Variants in CPQ observed in about 807,000 individuals in gnomAD.
The protein encoded by CPQ is Ser-Met dipeptidase.
A neutral mutation model predicts 45.7 loss-of-function variants in CPQ; 37 were observed. The ratio of observed to expected loss-of-function variants is 0.81; its 90% CI spans 0.62 to 1.07. The LOEUF is 1.07. Among genes scored for constraint, CPQ ranks in the 50% least tolerant of loss-of-function variants. CPQ has a pLI of 0.00. For synonymous variants in CPQ, 186 were observed against 205.8 expected, an observed-to-expected ratio of 0.90 and a Z score of 0.82; for missense variants, 537 against 572.9, an observed-to-expected ratio of 0.94 and a Z score of 0.64.
At chr8:96,659,353 AT>A (rs1312496889) in intron 1 of CPQ, 1 of 151,670 alleles carries the variant, frequency 6.6e-6, no homozygotes. Context: ...GACTCTCTGG[AT>A]TTGCCTGTCT....
intron 5 of CPQ, among the ~76,000 whole-genome samples, chr8:96,999,707 A>T (rs938255397): frequency 2.6e-5 from 4 of 151,916 alleles, no homozygotes; most frequent in African/African-American, 7.2e-5. Context: ...ACATATGTGT[A>T]TGTGTCTTTA....
chr8:96,922,929 TAGTC>T (rs35409747), intron 4 of CPQ, among the ~76,000 whole-genome samples: 23,120 of 152,022 alleles, frequency 0.15, 4,152 homozygotes, highest in African/African-American at 0.44. Context: ...AGTGTCAGAA[TAGTC>T]AGTCCTCTGG....
At chr8:97,051,743 G>C (rs1810367802) in intron 6 of CPQ, among the ~76,000 whole-genome samples, 11 of 152,184 alleles carry the variant, frequency 7.2e-5, no homozygotes, top group Admixed American at 7.2e-4. Flanking sequence ...CTGAGGCTCA[G>C]AGTAATTAAG....
chr8:97,126,099 G>A (rs888885745), intron 7 of CPQ, among the ~76,000 whole-genome samples: 1 of 151,850 alleles, frequency 6.6e-6, no homozygotes, highest in Non-Finnish European at 1.5e-5. Context: ...CTTTTTCAAG[G>A]AAAAAATGAG....
At chr8:96,729,315 CAG>C (rs1413609321) in intron 1 of CPQ, among the ~76,000 whole-genome samples, 1 of 152,150 alleles carries the variant, frequency 6.6e-6, no homozygotes, top group Non-Finnish European at 1.5e-5. Context: ...GATAAAAGGG[CAG>C]AGAGGATTGT....
intron 4 of CPQ, among the ~76,000 whole-genome samples, chr8:96,940,406 T>A (rs1586459847): frequency 6.6e-6 from 1 of 152,346 alleles, no homozygotes; most frequent in Middle Eastern, 3.4e-3. Context: ...AACTGGATTG[T>A]GTGTACTCTT....
chr8:97,014,472 A>G (rs1007972808), intron 5 of CPQ, among the ~76,000 whole-genome samples: 1 of 151,958 alleles, frequency 6.6e-6, no homozygotes, highest in Non-Finnish European at 1.5e-5. Flanking sequence ...CAAACATGAC[A>G]AAGCCCCATC....
chr8:97,065,094 G>A (rs964325656), intron 6 of CPQ, among the ~76,000 whole-genome samples: 2 of 152,206 alleles, frequency 1.3e-5, no homozygotes, highest in Non-Finnish European at 1.5e-5. Context: ...TGAGGAATGA[G>A]TAGCAGTGTT....
chr8:96,792,578 T>C (rs1239463139), intron 2 of CPQ, among the ~76,000 whole-genome samples: 1 of 152,202 alleles, frequency 6.6e-6, no homozygotes, highest in Non-Finnish European at 1.5e-5. Context: ...TGTTATGTTT[T>C]ATTGTATGTT....
At chr8:96,807,209 A>G (rs1470083891) in intron 2 of CPQ, among the ~76,000 whole-genome samples, 1 of 151,792 alleles carries the variant, frequency 6.6e-6, no homozygotes, top group Non-Finnish European at 1.5e-5. Context: ...TCCTGTGGCC[A>G]GAGAAAACTG....
chr8:97,048,035 C>G (rs1240617398), intron 6 of CPQ, among the ~76,000 whole-genome samples: 1 of 152,154 alleles, frequency 6.6e-6, no homozygotes. Context: ...TTTCTTCTTT[C>G]AGGATAACCA....
At chr8:97,122,965 AT>A (rs1811747414) in intron 7 of CPQ, among the ~76,000 whole-genome samples, 6 of 82,598 alleles carry the variant, frequency 7.3e-5, no homozygotes, top group East Asian at 4.0e-4. Flanking sequence ...ATAAAATAAA[AT>A]AAAATAAAAT....
chr8:96,652,547 C>T (rs1472298330), intron 1 of CPQ, among the ~76,000 whole-genome samples: 1 of 152,120 alleles, frequency 6.6e-6, no homozygotes, highest in African/African-American at 2.4e-5. Flanking sequence ...TGAGGACCCT[C>T]CATGAAGTTT....
At chr8:96,671,654 G>C (rs1431965910) in intron 1 of CPQ, among the ~76,000 whole-genome samples, 1 of 152,082 alleles carries the variant, frequency 6.6e-6, no homozygotes, top group Non-Finnish European at 1.5e-5. Flanking sequence ...AGTAATTCTA[G>C]GGCTTGGAAT....
chr8:96,741,969 G>A (rs1223132454), intron 1 of CPQ, among the ~76,000 whole-genome samples: 10 of 144,602 alleles, frequency 6.9e-5, no homozygotes, highest in African/African-American at 2.6e-4. Context: ...GGGGTGGAGA[G>A]TTCTGTAGAT....
chr8:96,952,930 C>T (rs1465637814), intron 4 of CPQ, among the ~76,000 whole-genome samples: 4 of 152,108 alleles, frequency 2.6e-5, no homozygotes, highest in African/African-American at 9.7e-5. Context: ...ATTATGCCTT[C>T]CTACTGTATG....
chr8:96,751,929 T>A (rs1189783270), intron 1 of CPQ, among the ~76,000 whole-genome samples: 2 of 152,208 alleles, frequency 1.3e-5, no homozygotes, highest in Admixed American at 6.5e-5. Flanking sequence ...GTCAGGTTTG[T>A]TGAAGATGAG....
Position 96,879,884 on chromosome 8 carries a change from C to A in CPQ, c.728C>A (p.Ser243Ter). 1 of 1,614,022 alleles carries A rather than the reference C, an allele frequency of 6.2e-7. No homozygotes were observed. The highest frequency in any genetic ancestry group is 8.5e-7 in the Non-Finnish European group (1 of 1,179,956). Residue 243 changes from serine (S) to a stop codon, truncating the protein, a stop_gained, in exon 4 of 8, where the codon TCA becomes TAA. Coordinates refer to ENST00000220763, the MANE Select transcript of CPQ (RefSeq NM_016134.4). LOFTEE classifies it high-confidence loss of function. The stretch of plus-strand genomic sequence containing the variant: ...ACGGTGGAAGATGCAGAAATGATGT[C>A]AAGAATGGCTTCTCATGGGATCAAA... Reference protein sequence around the residue: ...CITVEDAEMMSRMASHGIKIV... With the variant: ...CITVEDAEMM
chr8:96,839,759 T>C (rs1811582459), intron 3 of CPQ, among the ~76,000 whole-genome samples: 1 of 152,174 alleles, frequency 6.6e-6, no homozygotes, highest in Non-Finnish European at 1.5e-5. Context: ...GTGTTATTTA[T>C]TTTATATTTA....
Sources: allele counts gnomAD v4.1 joint callset (sites outside exome capture counted in the v4.1 genomes callset), GRCh38; gene constraint gnomAD v4.1.1; transcripts MANE v1.5; gene names NCBI Gene and HGNC (gene_info 2026-07-23, HGNC 2026-07-21).